NRXN1: variants seen among roughly 807,000 people sequenced by gnomAD.
The protein encoded by NRXN1 is neurexin-1.
NRXN1 carries 39 observed loss-of-function variants against 150.9 expected under a neutral mutation model. That is an observed-to-expected ratio of 0.26 (90% confidence interval 0.20 to 0.34). NRXN1 has a LOEUF of 0.34. NRXN1 is among the 10% of genes least tolerant of loss of function. The pLI is 1.00. For synonymous variants in NRXN1, 924 were observed against 757.0 expected (o/e 1.22, Z -3.62); for missense variants, 1,815 against 1,949.9 (o/e 0.93, Z 1.30).
chr2:50,252,259 T>TTTTTTTTTTTTTTTTTTTTTTTTTTTC (rs1491482683), intron 17 of NRXN1, among the ~76,000 whole-genome samples: 1 of 21,476 alleles, frequency 4.7e-5, no homozygotes, highest in Non-Finnish European at 9.9e-5. Context: ...TTTTCTTTTC[T>TTTTTTTTTTTTTTTTTTTTTTTTTTTC]TTTTTTTTTT....
chr2:50,278,035 T>C (rs942095857), intron 17 of NRXN1, among the ~76,000 whole-genome samples: 5 of 147,336 alleles, frequency 3.4e-5, no homozygotes, highest in Non-Finnish European at 7.4e-5. Context: ...TGACCATAGA[T>C]AGTGCTTTCT....
intron 5 of NRXN1, among the ~76,000 whole-genome samples, chr2:50,911,331 T>C (rs1451037508): frequency 1.3e-5 from 2 of 151,646 alleles, no homozygotes; most frequent in African/African-American, 4.8e-5. Flanking sequence ...CTCATCACTC[T>C]CTCCCTGCTT....
chr2:50,359,945 T>A (rs749278247), intron 17 of NRXN1, among the ~76,000 whole-genome samples: 2 of 152,130 alleles, frequency 1.3e-5, no homozygotes, highest in African/African-American at 2.4e-5. Context: ...AGAGTGGGGA[T>A]CAATATTCAA....
At chr2:50,298,499 C>CT in intron 17 of NRXN1, among the ~76,000 whole-genome samples, 2 of 148,596 alleles carry the variant, frequency 1.3e-5, no homozygotes, top group South Asian at 4.3e-4. Context: ...CCCTGCTAGA[C>CT]TTTTTTAGTA....
intron 17 of NRXN1, among the ~76,000 whole-genome samples, chr2:50,393,097 G>C (rs951645374): frequency 6.6e-6 from 1 of 151,648 alleles, no homozygotes; most frequent in African/African-American, 2.4e-5. Context: ...CATCTCAAGA[G>C]AGAAGCCATT....
At chr2:50,213,198 A>G (rs2063155557) in intron 18 of NRXN1, among the ~76,000 whole-genome samples, 1 of 151,890 alleles carries the variant, frequency 6.6e-6, no homozygotes, top group Non-Finnish European at 1.5e-5. Flanking sequence ...TATTCATTCA[A>G]CAAATATAAA....
intron 5 of NRXN1, among the ~76,000 whole-genome samples, chr2:50,821,788 T>G (rs941601555): frequency 1.3e-5 from 2 of 152,062 alleles, no homozygotes; most frequent in African/African-American, 4.8e-5. Flanking sequence ...TTACACTGAT[T>G]TAGCTCATAA....
At chr2:50,400,396 G>A (rs939591228) in intron 17 of NRXN1, among the ~76,000 whole-genome samples, 6 of 151,934 alleles carry the variant, frequency 3.9e-5, no homozygotes, top group Admixed American at 2.0e-4. Context: ...GAGTGCTATT[G>A]GGGGGTAGGG....
intron 18 of NRXN1, among the ~76,000 whole-genome samples, chr2:50,102,149 G>A (rs564247409): frequency 2.0e-5 from 3 of 152,018 alleles, no homozygotes; most frequent in African/African-American, 7.2e-5. Flanking sequence ...TGTGATTGTG[G>A]CACAACAGAG....
rs548544506 is a variant in NRXN1, at chr2:50,921,206, T to C, written c.832+663A>G. Among the ~76,000 whole-genome samples the C allele has an allele frequency of 1.2e-4, 18 of 151,948 alleles. No homozygotes were observed. The South Asian group carries it at 1.9e-3, about 16-fold the overall frequency. ...TAAACACAATGAGGATGGTTTTAAA[T>C]GGCAAATTACACATGCTTCTGGATT... On this transcript the variant is annotated intron_variant, in intron 5 of 22. Coordinates refer to ENST00000401669, the MANE Select transcript of NRXN1 (RefSeq NM_001330078.2).
chr2:50,039,117 C>T (rs1391555223), intron 21 of NRXN1, among the ~76,000 whole-genome samples: 5 of 151,994 alleles, frequency 3.3e-5, no homozygotes, highest in East Asian at 3.9e-4. Context: ...GCAGAGGTGG[C>T]GGTGAGCTGA....
chr2:50,549,109 TA>T (rs1395270014), intron 9 of NRXN1, among the ~76,000 whole-genome samples: 1 of 152,078 alleles, frequency 6.6e-6, no homozygotes, highest in Non-Finnish European at 1.5e-5. Flanking sequence ...ATGGGTAAAA[TA>T]AATTATTTCA....
At chr2:50,880,408 T>C (rs764488978) in intron 5 of NRXN1, among the ~76,000 whole-genome samples, 9 of 151,994 alleles carry the variant, frequency 5.9e-5, no homozygotes, top group Non-Finnish European at 8.8e-5. Context: ...TTTTGTAGAA[T>C]AGTCATATGT....
chr2:49,995,917 C>T (rs367645304), intron 21 of NRXN1, among the ~76,000 whole-genome samples: 2 of 145,110 alleles, frequency 1.4e-5, no homozygotes, highest in Non-Finnish European at 3.0e-5. Flanking sequence ...AGTGTATGCC[C>T]CTTGGGTCTC....
rs146206411 is a variant in NRXN1, at chr2:50,371,611, A to G, written c.3364+93831T>C. Among the ~76,000 whole-genome samples the G allele has an allele frequency of 6.2e-4, 94 of 152,106 alleles. 1 individual carries two copies. In the East Asian group the frequency reaches 0.017, roughly 27 times the overall value. On this transcript the variant is annotated intron_variant, in intron 17 of 22. Transcript: ENST00000401669. ...ATTTTTATCCTGGGATCTACGAATA[A>G]GTTTCAAGGGAAGGATGAACCTTCA...
chr2:50,016,044 T>C (rs1452141648), intron 21 of NRXN1, among the ~76,000 whole-genome samples: 2 of 152,178 alleles, frequency 1.3e-5, no homozygotes, highest in Non-Finnish European at 2.9e-5. Context: ...TTTGCCTCTC[T>C]AGGGCTTTGT....
intron 2 of NRXN1, among the ~76,000 whole-genome samples, chr2:50,961,454 A>G (rs529599663): frequency 6.6e-6 from 1 of 151,980 alleles, no homozygotes; most frequent in African/African-American, 2.4e-5. Context: ...TATACTGACC[A>G]AGGCTATAGA....
chr2:50,681,401 T>C (rs1355773289), intron 5 of NRXN1, among the ~76,000 whole-genome samples: 1 of 152,194 alleles, frequency 6.6e-6, no homozygotes, highest in African/African-American at 2.4e-5. Flanking sequence ...AATCTGTGTC[T>C]TATGCTTCTA....
At chr2:50,176,743 C>T (rs558931207) in intron 18 of NRXN1, among the ~76,000 whole-genome samples, 2 of 152,052 alleles carry the variant, frequency 1.3e-5, no homozygotes, top group African/African-American at 4.8e-5. Flanking sequence ...CATCACTTGT[C>T]CAATATCAAA....
Sources: gnomAD v4.1 joint callset for allele counts (sites outside exome capture counted in the v4.1 genomes callset) on GRCh38, gnomAD v4.1.1 for gene constraint, MANE v1.5 for transcripts, NCBI Gene and HGNC (gene_info 2026-07-23, HGNC 2026-07-21) for gene names.